Variants in ARHGAP22 observed in about 807,000 individuals in gnomAD.
ARHGAP22 encodes rho GTPase-activating protein 22.
A neutral mutation model predicts 59.1 loss-of-function variants in ARHGAP22; 48 were observed. That is an observed-to-expected ratio of 0.81 (90% CI 0.64 to 1.03). ARHGAP22 has a LOEUF of 1.03. ARHGAP22 is among the 50% of genes least tolerant of loss of function. ARHGAP22 has a pLI of 0.00. For missense variants in ARHGAP22, 1,015 were observed against 958.7 expected, an observed-to-expected ratio of 1.06 and a Z score of -0.78; for synonymous variants, 445 against 416.4, an observed-to-expected ratio of 1.07 and a Z score of -0.84.
chr10:48,635,900 A>G (rs1375579043), intron 1 of ARHGAP22, among the ~76,000 whole-genome samples: 2 of 152,260 alleles, frequency 1.3e-5, no homozygotes, highest in Admixed American at 1.3e-4. Context: ...TCTCCTCTGT[A>G]AAATGGGAAC....
chr10:48,505,673 G>A (rs2052037997), intron 3 of ARHGAP22, among the ~76,000 whole-genome samples: 1 of 152,170 alleles, frequency 6.6e-6, no homozygotes, highest in Non-Finnish European at 1.5e-5. Flanking sequence ...TGGGTGGATG[G>A]GGATCCCCTG....
In ARHGAP22 at chr10:48,583,115, C is replaced by A. The variant is rs1483888090; in HGVS notation, c.72G>T (p.Arg24=). 1 of 1,614,236 alleles carries A rather than the reference C, an allele frequency of 6.2e-7. No homozygotes were observed. Residue 24 remains arginine, a synonymous_variant, in exon 2 of 10, where the codon CGG becomes CGT. Transcript: ENST00000249601. ...GAGGGCACGGCATCCGCCCAGGGCT[C>A]CGGCTCTGCTCCCCCATCACTAGGC... ...SKSLVMGEQS[R]SPGRMPCPHR...
intron 2 of ARHGAP22, among the ~76,000 whole-genome samples, chr10:48,574,286 T>A (rs1186750774): frequency 6.6e-6 from 1 of 152,230 alleles, no homozygotes; most frequent in Non-Finnish European, 1.5e-5. Context: ...TATTACTGGA[T>A]ACCAATTATG....
In ARHGAP22 at chr10:48,539,073, C is replaced by T. The variant is rs562995876; in HGVS notation, c.322+16390G>A. On this transcript the variant is annotated intron_variant, in intron 3 of 9. Transcript: ENST00000249601. ...AATTAGTTTGAAATTTAGCTTGGAA[C>T]GTCTCACCATTGCCTTGACCAGCCT... 3.3e-4 allele frequency among the ~76,000 whole-genome samples: 50 copies of T among 152,260 alleles called. 2 individuals are homozygous for T. The South Asian group carries it at 9.3e-3, about 28-fold the overall frequency.
chr10:48,634,791 G>A (rs915098875), intron 1 of ARHGAP22, among the ~76,000 whole-genome samples: 4 of 152,128 alleles, frequency 2.6e-5, no homozygotes, highest in African/African-American at 9.7e-5. Context: ...TGGAGATAGG[G>A]CCTTTAAATA....
Position 48,450,565 on chromosome 10 carries a change from C to T in ARHGAP22, c.1564G>A (p.Val522Met). 2 of 1,530,872 alleles carry T rather than the reference C, an allele frequency of 1.3e-6. No individual in the cohort carries two copies. Among genetic ancestry groups the T allele is most frequent in the African/African-American group, 2.7e-5 (2 of 72,958 alleles). The allele number at this position is 1,530,872 out of a possible 1,614,324, so 94.8% of individuals were successfully genotyped here. A position where few individuals can be genotyped will look rare whatever the true frequency, so the allele number is the denominator to read the frequency against. Residue 522 changes from valine (V) to methionine (M), a missense_variant, in exon 9 of 10, where the codon GTG (valine) becomes ATG (methionine). By Grantham distance (21) the Val-to-Met change is conservative (BLOSUM62 1). Transcript: ENST00000249601. ...GTGCAGCTGCTGAGTGAGCCCCCCA[C>T]CGACGACTCGCTGGACGAGGCCCCG... ...WSGASSSESS[V>M]GGSLSSCTAC...
intron 3 of ARHGAP22, among the ~76,000 whole-genome samples, chr10:48,518,716 T>G (rs892543791): frequency 6.6e-6 from 1 of 152,198 alleles, no homozygotes; most frequent in African/African-American, 2.4e-5. Context: ...GCAGGTGACC[T>G]GCACAGGCCA....
chr10:48,439,754 C>G, the ARHGAP22 span, among the ~76,000 whole-genome samples: 1 of 152,184 alleles, frequency 6.6e-6, no homozygotes, highest in Admixed American at 6.5e-5. Context: ...TTCCTCTTTG[C>G]CTACGTTGGG....
intron 3 of ARHGAP22, among the ~76,000 whole-genome samples, chr10:48,541,727 A>C (rs905288670): frequency 6.6e-6 from 1 of 152,242 alleles, no homozygotes; most frequent in East Asian, 1.9e-4. Flanking sequence ...AAGCTGGTCC[A>C]GGCAGGCAGT....
intron 1 of ARHGAP22, among the ~76,000 whole-genome samples, chr10:48,626,424 G>A (rs2061451297): frequency 1.3e-5 from 2 of 152,190 alleles, no homozygotes; most frequent in South Asian, 4.1e-4. Context: ...GGAGCTTCTA[G>A]ATGGTGCTGA....
chr10:48,499,475 C>T (rs1445920834), intron 3 of ARHGAP22, among the ~76,000 whole-genome samples: 1 of 152,218 alleles, frequency 6.6e-6, no homozygotes, highest in African/African-American at 2.4e-5. Flanking sequence ...GGCTTCTTCA[C>T]CTGGATATAC....
At chr10:48,647,399 A>T (rs557641122) in intron 1 of ARHGAP22, among the ~76,000 whole-genome samples, 1 of 152,374 alleles carries the variant, frequency 6.6e-6, no homozygotes, top group South Asian at 2.1e-4. Context: ...GTATCAAAAA[A>T]TATAAAAATG....
intron 2 of ARHGAP22, among the ~76,000 whole-genome samples, chr10:48,566,291 G>T (rs10776618): frequency 0.47 from 70,679 of 151,844 alleles, 18,302 homozygotes; most frequent in East Asian, 0.9. Flanking sequence ...CTTAAAAACC[G>T]TTATCCACCT....
At chr10:48,534,076 G>A (rs1239687028) in intron 3 of ARHGAP22, among the ~76,000 whole-genome samples, 1 of 152,266 alleles carries the variant, frequency 6.6e-6, no homozygotes, top group South Asian at 2.1e-4. Context: ...CCCACTCCTT[G>A]GAGGGGGAGG....
chr10:48,590,941 A>T (rs2059715936), intron 1 of ARHGAP22, among the ~76,000 whole-genome samples: 1 of 152,150 alleles, frequency 6.6e-6, no homozygotes, highest in Non-Finnish European at 1.5e-5. Context: ...GAATAATTTC[A>T]CTTATTTCTC....
chr10:48,457,402 C>G (rs889025423), intron 5 of ARHGAP22, among the ~76,000 whole-genome samples: 1 of 152,158 alleles, frequency 6.6e-6, no homozygotes, highest in Non-Finnish European at 1.5e-5. Context: ...CCACTAGGCC[C>G]GGGACTGGTG....
At chr10:48,611,332 A>G (rs76781061) in intron 1 of ARHGAP22, among the ~76,000 whole-genome samples, 6,667 of 152,226 alleles carry the variant, frequency 0.044, 186 homozygotes, top group Admixed American at 0.073. Context: ...AGAGTGAAAC[A>G]TGTCCTTGCT....
rs1589343273 is a variant in ARHGAP22, at chr10:48,652,559, A to G, written c.-274T>C. 4 of 495,494 alleles carry G rather than the reference A, an allele frequency of 8.1e-6. No individual in the cohort carries two copies. In the South Asian group the frequency reaches 1.2e-4, roughly 15 times the overall value. 30.7% of individuals were successfully genotyped at this position (495,494 alleles called of 1,614,324 possible). On this transcript the variant is annotated 5_prime_UTR_variant, in exon 1 of 10. Coordinates refer to the ARHGAP22 transcript ENST00000435790. Reference sequence around the variant, plus strand: ...GGGGTCTTGGGGTATCAGTTCCTCAAATCTGTAAAATGGGAACAATAGTGA... The same window carrying G: ...GGGGTCTTGGGGTATCAGTTCCTCAGATCTGTAAAATGGGAACAATAGTGA...
chr10:48,521,262 C>G (rs879527996), intron 3 of ARHGAP22, among the ~76,000 whole-genome samples: 2 of 152,142 alleles, frequency 1.3e-5, no homozygotes, highest in African/African-American at 2.4e-5. Flanking sequence ...GAAAAAGGCA[C>G]GCAACAATCC....
Sources: gnomAD v4.1 joint callset for allele counts (sites outside exome capture counted in the v4.1 genomes callset) on GRCh38, gnomAD v4.1.1 for gene constraint, MANE v1.5 for transcripts, NCBI Gene and HGNC (gene_info 2026-07-23, HGNC 2026-07-21) for gene names.